PARD3B: variants seen among roughly 807,000 people sequenced by gnomAD.
PARD3B encodes par-3 family cell polarity regulator beta, also known as partitioning defective 3 homolog B.
PARD3B carries 103 observed loss-of-function variants against 130.2 expected under a neutral mutation model. The ratio of observed to expected loss-of-function variants is 0.79; its 90% CI spans 0.67 to 0.93. The LOEUF is 0.93. PARD3B is among the 40% of genes least tolerant of loss of function. The probability of loss-of-function intolerance (pLI) is 0.00; values close to 1 mark genes in which losing one functional copy is unlikely to be tolerated. For synonymous variants in PARD3B, 583 were observed against 553.2 expected (o/e 1.05, Z -0.76); for missense variants, 1,609 against 1,499.2 (o/e 1.07, Z -1.21).
At chr2:205,441,610 C>T (rs1414236838) in intron 20 of PARD3B, among the ~76,000 whole-genome samples, 1 of 152,132 alleles carries the variant, frequency 6.6e-6, no homozygotes, top group Non-Finnish European at 1.5e-5. Flanking sequence ...CACCCAGTCC[C>T]TATTAGTAAC....
intron 20 of PARD3B, among the ~76,000 whole-genome samples, chr2:205,450,719 G>A (rs966323270): frequency 5.3e-5 from 8 of 151,712 alleles, no homozygotes; most frequent in East Asian, 1.9e-4. Context: ...CAGGTGATCC[G>A]CCCGCCTCGG....
In PARD3B at chr2:205,366,708, G is replaced by C. The variant is rs2044623430; in HGVS notation, c.2631-34305G>C. Among the ~76,000 whole-genome samples, 1 of 151,992 alleles carries C rather than the reference G, an allele frequency of 6.6e-6. No homozygotes were observed. Among genetic ancestry groups the C allele is most frequent in the African/African-American group, 2.4e-5 (1 of 41,342 alleles). On this transcript the variant is annotated intron_variant, in intron 18 of 22. Coordinates refer to ENST00000406610, the MANE Select transcript of PARD3B (RefSeq NM_001302769.2). The surrounding 1 kb of genome is among the most constrained non-coding windows in gnomAD (Gnocchi z 5.0). ...AACTGTGACTGAACCTCAGTGGACA[G>C]AGCAGCCAAGATATCAGGCACTCAG...
chr2:205,118,380 C>T (rs1051934226), intron 6 of PARD3B, among the ~76,000 whole-genome samples: 1 of 152,160 alleles, frequency 6.6e-6, no homozygotes. Flanking sequence ...CAGGAAACAC[C>T]CAACACATAC....
At chr2:204,725,314 A>T (rs1435049297) in intron 2 of PARD3B, among the ~76,000 whole-genome samples, 1 of 152,192 alleles carries the variant, frequency 6.6e-6, no homozygotes, top group Admixed American at 6.5e-5. Context: ...TTAATCTGGA[A>T]AAAGCAAGAC....
chr2:204,881,579 G>C (rs946835905), intron 2 of PARD3B, among the ~76,000 whole-genome samples: 3 of 151,828 alleles, frequency 2.0e-5, no homozygotes, highest in East Asian at 3.9e-4. Flanking sequence ...TATAGATCTC[G>C]TTCTGAAAAA....
At chr2:204,910,715 C>T (rs531538730) in intron 2 of PARD3B, among the ~76,000 whole-genome samples, 1 of 152,306 alleles carries the variant, frequency 6.6e-6, no homozygotes, top group African/African-American at 2.4e-5. Flanking sequence ...TCTCGGCTCA[C>T]TGCAAGCTCC....
chr2:205,296,861 G>T (rs2041814253), intron 16 of PARD3B, among the ~76,000 whole-genome samples: 1 of 149,046 alleles, frequency 6.7e-6, no homozygotes, highest in African/African-American at 2.5e-5. Flanking sequence ...CTTTAAAAGC[G>T]CTATAACATC....
intron 1 of PARD3B, among the ~76,000 whole-genome samples, chr2:204,628,984 T>C (rs536830762): frequency 5.3e-4 from 80 of 152,288 alleles, no homozygotes; most frequent in Non-Finnish European, 9.6e-4. Flanking sequence ...TTCACTGTAG[T>C]GTCAGTTAAT....
intron 6 of PARD3B, among the ~76,000 whole-genome samples, chr2:205,114,394 TAAAAG>T (rs1355387193): frequency 3.3e-5 from 5 of 152,250 alleles, no homozygotes; most frequent in South Asian, 2.1e-4. Flanking sequence ...GTCAGAAACT[TAAAAG>T]AAAATCAGTT....
At chr2:205,045,424 T>C (rs2125407210) in intron 3 of PARD3B, among the ~76,000 whole-genome samples, 1 of 152,034 alleles carries the variant, frequency 6.6e-6, no homozygotes, top group African/African-American at 2.4e-5. Context: ...ATTTTTGTAT[T>C]TTCAGTAGAG....
In PARD3B at chr2:205,064,225, A is replaced by G. The variant is rs142840053; in HGVS notation, c.504+16535A>G. Reference sequence around the variant, plus strand: ...TTTTTTTATTTTTTTGAAGAATGGCACATGTAATTCATGAGAGTGTTGAAC... The same window carrying G: ...TTTTTTTATTTTTTTGAAGAATGGCGCATGTAATTCATGAGAGTGTTGAAC... On this transcript the variant is annotated intron_variant, in intron 4 of 22. Transcript: ENST00000406610. Among the ~76,000 whole-genome samples, 604 of 152,306 alleles carry G rather than the reference A, an allele frequency of 4.0e-3. 1 individual carries two copies. Among genetic ancestry groups the G allele is most frequent in the South Asian group, 9.1e-3 (44 of 4,828 alleles).
chr2:205,315,935 T>C (rs896153821), intron 18 of PARD3B, among the ~76,000 whole-genome samples: 1 of 152,156 alleles, frequency 6.6e-6, no homozygotes, highest in African/African-American at 2.4e-5. Flanking sequence ...TAGGCCTGCT[T>C]GGTTTTTAGT....
chr2:205,461,822 G>A lies in PARD3B; in HGVS notation c.3044+21150G>A, dbSNP rs1198170167. ...TCATGCTGCTGGCCTGGGTTCTGTC[G>A]GTGGTGAATCATTAGTTTAAGGTGT... On this transcript the variant is annotated intron_variant, in intron 20 of 22. Transcript: ENST00000406610. This position sits in a 1 kb window ranked among gnomAD's most constrained non-coding sequence, Gnocchi z 4.3. 6.6e-6 allele frequency among the ~76,000 whole-genome samples: 1 copy of A among 152,146 alleles called. No homozygotes were observed. Among genetic ancestry groups the A allele is most frequent in the African/African-American group, 2.4e-5 (1 of 41,438 alleles).
intron 4 of PARD3B, among the ~76,000 whole-genome samples, chr2:205,052,929 G>A (rs1699333389): frequency 6.6e-6 from 1 of 152,082 alleles, no homozygotes; most frequent in South Asian, 2.1e-4. Context: ...CCGGTGGAGG[G>A]AAAACACCCT....
chr2:204,579,967 CTCT>C (rs1425364307), intron 1 of PARD3B, among the ~76,000 whole-genome samples: 1 of 152,230 alleles, frequency 6.6e-6, no homozygotes, highest in Non-Finnish European at 1.5e-5. Context: ...CCTTGAATGA[CTCT>C]TCTTTGAAGC....
intron 2 of PARD3B, among the ~76,000 whole-genome samples, chr2:204,939,627 T>G: frequency 6.6e-6 from 1 of 152,222 alleles, no homozygotes. Context: ...TAACACGATT[T>G]CTTTTTTGCT....
chr2:204,852,944 T>A (rs2044768560), intron 2 of PARD3B, among the ~76,000 whole-genome samples: 2 of 152,166 alleles, frequency 1.3e-5, no homozygotes, highest in Non-Finnish European at 1.5e-5. Flanking sequence ...TAAGTTATTA[T>A]ATGGTATTTC....
intron 2 of PARD3B, among the ~76,000 whole-genome samples, chr2:204,789,391 G>T (rs566050155): frequency 6.6e-6 from 1 of 152,220 alleles, no homozygotes; most frequent in Admixed American, 6.5e-5. Flanking sequence ...TTTTTATTTT[G>T]TGACAAAGTA....
intron 15 of PARD3B, among the ~76,000 whole-genome samples, chr2:205,217,071 C>G (rs775257193): frequency 1.3e-5 from 2 of 152,178 alleles, no homozygotes; most frequent in Non-Finnish European, 2.9e-5. Context: ...ACATTCTTCC[C>G]TAATTCAGGA....
Sources: allele counts gnomAD v4.1 joint callset (sites outside exome capture counted in the v4.1 genomes callset), GRCh38; gene constraint gnomAD v4.1.1; non-coding constraint Gnocchi (gnomAD v3.1); transcripts MANE v1.5; gene names NCBI Gene and HGNC (gene_info 2026-07-23, HGNC 2026-07-21).